SUFU: variants seen among roughly 807,000 people sequenced by gnomAD.
SUFU encodes suppressor of fused homolog.
SUFU carries 7 observed loss-of-function variants against 58.9 expected under a neutral mutation model. The observed-to-expected ratio is 0.12, with a 90% CI of 0.07 to 0.22. The LOEUF (loss-of-function observed/expected upper bound fraction) is 0.22. SUFU is among the 10% of genes least tolerant of loss of function. The pLI is 1.00. For missense variants in SUFU, 451 were observed against 641.3 expected, an observed-to-expected ratio of 0.70 and a Z score of 3.20; for synonymous variants, 232 against 254.8, an observed-to-expected ratio of 0.91 and a Z score of 0.85.
At chr10:102,615,201 A>G in intron 8 of SUFU, 67 bp from the exon 9 acceptor site, 1 of 1,606,118 alleles carries the variant, frequency 6.2e-7, no homozygotes, top group Non-Finnish European at 8.5e-7. Flanking sequence ...CCAGCTGGAG[A>G]CTCCCATCTT....
chr10:102,602,422 A>G (rs1358114740), intron 8 of SUFU, among the ~76,000 whole-genome samples: 2 of 152,224 alleles, frequency 1.3e-5, no homozygotes, highest in African/African-American at 2.4e-5. Context: ...GACCTCTCAC[A>G]TGGCACCAAG....
chr10:102,521,419 G>A (rs965292599), intron 2 of SUFU, among the ~76,000 whole-genome samples: 4 of 152,152 alleles, frequency 2.6e-5, no homozygotes, highest in East Asian at 3.8e-4. Flanking sequence ...TTCTCAAGCC[G>A]TTAAATGAGT....
chr10:102,628,545 A>G lies in SUFU; in HGVS notation c.1365+1302A>G, dbSNP rs960565178. On this transcript the variant is annotated intron_variant, in intron 11 of 11. Coordinates refer to ENST00000369902, the MANE Select transcript of SUFU (RefSeq NM_016169.4). The surrounding 1 kb of genome is among the most constrained non-coding windows in gnomAD (Gnocchi z 4.5). Reference sequence around the variant, plus strand: ...TGTCGCACTGGGATGGCGCTGTGCCAGGCTGCTGCTTTGAGCTTGGGGGTA... The same window carrying G: ...TGTCGCACTGGGATGGCGCTGTGCCGGGCTGCTGCTTTGAGCTTGGGGGTA... Among the ~76,000 whole-genome samples, 4 of 152,216 alleles carry G rather than the reference A, an allele frequency of 2.6e-5. No individual in the cohort carries two copies. The highest frequency in any genetic ancestry group is 5.9e-5 in the Non-Finnish European group (4 of 68,042).
At chr10:102,604,698 G>A (rs1357295992) in intron 8 of SUFU, among the ~76,000 whole-genome samples, 1 of 152,150 alleles carries the variant, frequency 6.6e-6, no homozygotes, top group African/African-American at 2.4e-5. Flanking sequence ...GCTAGAGTAA[G>A]CTCATTCAGG....
Position 102,504,144 on chromosome 10 carries a change from C to A in SUFU, c.-9C>A. The A allele has an allele frequency of 6.5e-7, 1 of 1,540,120 alleles. No individual in the cohort carries two copies. Among genetic ancestry groups the A allele is most frequent in the Non-Finnish European group, 8.7e-7 (1 of 1,145,242 alleles). The stretch of plus-strand genomic sequence containing the variant: ...TCCAGTTCCCCCAGTGCCTGCCCTA[C>A]GCACCCCGATGGCGGAGCTGCGGCC... On this transcript the variant is annotated 5_prime_UTR_variant, in exon 1 of 12. Coordinates refer to ENST00000369902, the MANE Select transcript of SUFU (RefSeq NM_016169.4).
intron 2 of SUFU, among the ~76,000 whole-genome samples, chr10:102,538,588 A>G (rs2062766785): frequency 6.6e-6 from 1 of 152,178 alleles, no homozygotes; most frequent in African/African-American, 2.4e-5. Context: ...AGCAGAAAGT[A>G]CAGAGAGCTA....
chr10:102,585,823 T>G lies in SUFU; in HGVS notation c.455-6759T>G, dbSNP rs575788316. On this transcript the variant is annotated intron_variant, in intron 3 of 11. Transcript: ENST00000369902. ...GCACTGGCCTCATTGTGGTTTTGAT[T>G]TGCATTCCTCTGATGGTTAATGGCA... Among the ~76,000 whole-genome samples, 14 of 152,110 alleles carry G rather than the reference T, an allele frequency of 9.2e-5. No individual in the cohort carries two copies. In the East Asian group the frequency reaches 2.7e-3, roughly 29 times the overall value.
intron 3 of SUFU, among the ~76,000 whole-genome samples, chr10:102,552,153 A>G (rs1373252451): frequency 6.6e-6 from 1 of 152,178 alleles, no homozygotes; most frequent in Non-Finnish European, 1.5e-5. Context: ...ACTTTACAAG[A>G]CAAATGCCTA....
intron 2 of SUFU, among the ~76,000 whole-genome samples, chr10:102,535,642 T>C (rs2062729510): frequency 6.6e-6 from 1 of 152,196 alleles, no homozygotes; most frequent in South Asian, 2.1e-4. Context: ...CCCTTTCTTC[T>C]GATACCATCA....
intron 2 of SUFU, among the ~76,000 whole-genome samples, chr10:102,544,239 TAGAGTTATAG>T (rs1485437197): frequency 5.3e-5 from 8 of 152,234 alleles, no homozygotes; most frequent in African/African-American, 1.9e-4. Context: ...GGCTGAGTCC[TAGAGTTATAG>T]AGAGTTAAAC....
At chr10:102,623,006 A>G (rs1590088979) in intron 10 of SUFU, among the ~76,000 whole-genome samples, 1 of 150,938 alleles carries the variant, frequency 6.6e-6, no homozygotes, top group East Asian at 1.9e-4. Flanking sequence ...AAAAAAAAAA[A>G]AAAAAAAAAA....
At chr10:102,514,186 A>G (rs10883729) in intron 2 of SUFU, among the ~76,000 whole-genome samples, 46,796 of 152,064 alleles carry the variant, frequency 0.31, 7,495 homozygotes, top group Admixed American at 0.36. Flanking sequence ...TGCTCCTGGC[A>G]ACGGCATTTA....
intron 1 of SUFU, among the ~76,000 whole-genome samples, chr10:102,504,884 C>G (rs561685732): frequency 2.0e-5 from 3 of 152,210 alleles, no homozygotes; most frequent in Admixed American, 2.0e-4. Context: ...AGGAGGTCTC[C>G]TTTTGATACC....
Position 102,630,119 on chromosome 10 carries a change from C to T in SUFU, c.1419C>T (p.Ile473=), listed in dbSNP as rs1342217589. ...CTGAAAAGAAGCTGAAGGTCTCCAT[C>T]CTGCCTGACGTGGTGTTCGACAGTC... ...SWPEKKLKVS[I]LPDVVFDSPL... The change falls in exon 12 of 12, where the codon ATC becomes ATT. Residue 473 remains isoleucine, a synonymous_variant. Coordinates refer to ENST00000369902, the MANE Select transcript of SUFU (RefSeq NM_016169.4). The T allele has an allele frequency of 1.9e-6, 3 of 1,614,240 alleles. No homozygotes were observed. Among genetic ancestry groups the T allele is most frequent in the South Asian group, 1.1e-5 (1 of 91,092 alleles).
intron 3 of SUFU, among the ~76,000 whole-genome samples, chr10:102,581,340 A>G (rs1402971775): frequency 6.6e-6 from 1 of 152,108 alleles, no homozygotes; most frequent in Non-Finnish European, 1.5e-5. Context: ...CAACAGGACT[A>G]ACTTTGAACT....
chr10:102,506,141 A>G (rs1236736031), intron 1 of SUFU, among the ~76,000 whole-genome samples: 2 of 151,622 alleles, frequency 1.3e-5, no homozygotes, highest in Admixed American at 1.3e-4. Flanking sequence ...ACACAGATTC[A>G]GGCAACTATT....
intron 3 of SUFU, among the ~76,000 whole-genome samples, chr10:102,569,308 C>T (rs2063137829): frequency 6.6e-6 from 1 of 152,082 alleles, no homozygotes; most frequent in Admixed American, 6.6e-5. Flanking sequence ...TTTGGCAGTC[C>T]AGGCACTGAG....
At chr10:102,508,189 G>T (rs2062354500) in intron 1 of SUFU, among the ~76,000 whole-genome samples, 1 of 151,988 alleles carries the variant, frequency 6.6e-6, no homozygotes, top group Non-Finnish European at 1.5e-5. Context: ...GGCCAGGCTG[G>T]TCTCAAACTC....
intron 3 of SUFU, among the ~76,000 whole-genome samples, chr10:102,566,942 C>CAAAA (rs567137519): frequency 1.3e-5 from 1 of 74,092 alleles, no homozygotes; most frequent in African/African-American, 5.5e-5. Context: ...GACTCCATCT[C>CAAAA]AAAAAAAAAA....
Sources: gnomAD v4.1 joint callset for allele counts (sites outside exome capture counted in the v4.1 genomes callset) on GRCh38, gnomAD v4.1.1 for gene constraint, Gnocchi (gnomAD v3.1) non-coding constraint, MANE v1.5 for transcripts, NCBI Gene and HGNC (gene_info 2026-07-23, HGNC 2026-07-21) for gene names.